CSMD1: variants seen among roughly 807,000 people sequenced by gnomAD.
CSMD1 encodes the protein CUB and Sushi multiple domains 1, also known as CUB and sushi domain-containing protein 1.
In CSMD1, 213 loss-of-function variants were observed where a neutral mutation model predicts 417.5. The ratio of observed to expected loss-of-function variants is 0.51; its 90% confidence interval spans 0.46 to 0.57. The LOEUF is 0.57. Among genes scored for constraint, CSMD1 ranks in the 20% least tolerant of loss-of-function variants. The probability of loss-of-function intolerance (pLI) is 0.00; values close to 1 mark genes in which losing one functional copy is unlikely to be tolerated. For synonymous variants in CSMD1, 2,862 were observed against 1,736.8 expected (o/e 1.65, Z -16.11); for missense variants, 6,923 against 4,529.7 (o/e 1.53, Z -15.17).
intron 3 of CSMD1, among the ~76,000 whole-genome samples, chr8:4,411,587 A>C (rs1796651831): frequency 1.3e-5 from 2 of 152,198 alleles, no homozygotes; most frequent in South Asian, 4.1e-4. Flanking sequence ...TGAGCTAAAT[A>C]ACAGTTATAC....
intron 3 of CSMD1, among the ~76,000 whole-genome samples, chr8:4,319,823 G>A (rs777652044): frequency 5.9e-5 from 9 of 152,080 alleles, no homozygotes; most frequent in African/African-American, 1.2e-4. Flanking sequence ...GAGGACCCTC[G>A]GGGTCTTCAG....
chr8:4,108,058 AG>A (rs375106472), intron 3 of CSMD1, among the ~76,000 whole-genome samples: 150,373 of 151,440 alleles, frequency 0.99, 74,665 homozygotes, highest in Middle Eastern at 1. Context: ...ACAGAGACAG[AG>A]ACAGAGACAG....
intron 1 of CSMD1, among the ~76,000 whole-genome samples, chr8:4,734,586 G>T (rs1004499282): frequency 2.0e-5 from 3 of 152,098 alleles, no homozygotes; most frequent in East Asian, 1.9e-4. Flanking sequence ...ATTATATGCT[G>T]TTTAACAAAA....
In CSMD1 at chr8:4,676,605, T is replaced by A. The variant is rs116288669; in HGVS notation, c.86-39047A>T. On this transcript the variant is annotated intron_variant, in intron 1 of 69. Coordinates refer to ENST00000635120, the MANE Select transcript of CSMD1 (RefSeq NM_033225.6). ...ACGGCACCCTTTAACGGACTTCTTA[T>A]CTCCATTCTCCTTTCGCACCTGCAG... Among the ~76,000 whole-genome samples, 245 of 152,268 alleles carry A rather than the reference T, an allele frequency of 1.6e-3. 3 individuals carry two copies. The highest frequency in any genetic ancestry group is 5.7e-3 in the African/African-American group (238 of 41,562).
intron 4 of CSMD1, among the ~76,000 whole-genome samples, chr8:3,999,529 G>C (rs1328052147): frequency 2.6e-5 from 4 of 152,174 alleles, no homozygotes; most frequent in Non-Finnish European, 5.9e-5. Context: ...GTAAGAGGGT[G>C]ATATAGGTCC....
intron 8 of CSMD1, among the ~76,000 whole-genome samples, chr8:3,603,437 A>G (rs530105073): frequency 6.6e-6 from 1 of 152,284 alleles, no homozygotes; most frequent in East Asian, 1.9e-4. Flanking sequence ...CTTTCTTTAT[A>G]TGACAAACCT....
chr8:3,884,749 G>C (rs1055510467), intron 5 of CSMD1, among the ~76,000 whole-genome samples: 1 of 152,058 alleles, frequency 6.6e-6, no homozygotes, highest in African/African-American at 2.4e-5. Flanking sequence ...AAACCTGTGA[G>C]TAAATAATGA....
At chr8:3,440,543 T>C (rs572005945) in intron 12 of CSMD1, among the ~76,000 whole-genome samples, 2 of 152,214 alleles carry the variant, frequency 1.3e-5, no homozygotes, top group Non-Finnish European at 2.9e-5. Context: ...TAAGAGTTTA[T>C]CTGTGAATTC....
chr8:3,783,430 C>G (rs1324250324), intron 5 of CSMD1, among the ~76,000 whole-genome samples: 7 of 152,176 alleles, frequency 4.6e-5, no homozygotes, highest in African/African-American at 1.4e-4. Context: ...CTGGGCGGCC[C>G]TATGCTGATG....
intron 37 of CSMD1, among the ~76,000 whole-genome samples, chr8:3,180,114 C>T (rs1432467468): frequency 1.3e-5 from 2 of 152,224 alleles, no homozygotes; most frequent in African/African-American, 4.8e-5. Flanking sequence ...CAACGTTAAA[C>T]ATTTTTAGTG....
At chr8:3,321,923 G>T (rs1030828114) in intron 23 of CSMD1, among the ~76,000 whole-genome samples, 2 of 152,134 alleles carry the variant, frequency 1.3e-5, no homozygotes, top group Non-Finnish European at 2.9e-5. Flanking sequence ...TTTCAGAATG[G>T]ATTCAGTATT....
At chr8:2,959,791 A>T (rs575262234) in intron 62 of CSMD1, among the ~76,000 whole-genome samples, 1 of 152,338 alleles carries the variant, frequency 6.6e-6, no homozygotes, top group Non-Finnish European at 1.5e-5. Flanking sequence ...TGGTTACTTT[A>T]AAAACTAAAA....
chr8:4,180,259 G>C (rs966326044), intron 3 of CSMD1, among the ~76,000 whole-genome samples: 1 of 151,946 alleles, frequency 6.6e-6, no homozygotes, highest in Non-Finnish European at 1.5e-5. Flanking sequence ...AAAAAATGAT[G>C]AGTTCATGTC....
intron 26 of CSMD1, among the ~76,000 whole-genome samples, chr8:3,236,437 G>A (rs1799161915): frequency 6.6e-6 from 1 of 152,156 alleles, no homozygotes; most frequent in Non-Finnish European, 1.5e-5. Context: ...GAAGGCTTGA[G>A]GAAGGAGAAA....
chr8:3,283,214 C>G (rs79084542), intron 26 of CSMD1, among the ~76,000 whole-genome samples: 1 of 152,000 alleles, frequency 6.6e-6, no homozygotes, highest in African/African-American at 2.4e-5. Context: ...CGTCCTGAAC[C>G]GGGAAGTTGC....
intron 1 of CSMD1, among the ~76,000 whole-genome samples, chr8:4,774,769 T>G (rs138418924): frequency 6.6e-6 from 1 of 152,142 alleles, no homozygotes; most frequent in Non-Finnish European, 1.5e-5. Flanking sequence ...GAGACCTTGT[T>G]GTTTAAAAGC....
intron 3 of CSMD1, among the ~76,000 whole-genome samples, chr8:4,085,392 C>CA (rs931236325): frequency 6.6e-6 from 1 of 152,012 alleles, no homozygotes; most frequent in African/African-American, 2.4e-5. Context: ...GGAGAAGCTC[C>CA]AAAAAACTGA....
At chr8:3,754,767 A>G (rs931012769) in intron 5 of CSMD1, among the ~76,000 whole-genome samples, 37 of 152,164 alleles carry the variant, frequency 2.4e-4, no homozygotes, top group African/African-American at 8.7e-4. Context: ...AAGACTTACG[A>G]ATTCTATGTA....
chr8:4,876,096 G>C (rs549322806), intron 1 of CSMD1, among the ~76,000 whole-genome samples: 4 of 152,160 alleles, frequency 2.6e-5, no homozygotes, highest in African/African-American at 4.8e-5. Context: ...TAACAAAAAA[G>C]TACAGTAAGT....
Sources: allele counts gnomAD v4.1 joint callset (sites outside exome capture counted in the v4.1 genomes callset), GRCh38; gene constraint gnomAD v4.1.1; transcripts MANE v1.5; gene names NCBI Gene and HGNC (gene_info 2026-07-23, HGNC 2026-07-21).